The following CCDC6 variants were observed in gnomAD, a reference collection of about 807,000 sequenced individuals.
The protein encoded by CCDC6 is coiled-coil domain containing 6.
A neutral mutation model predicts 56.6 loss-of-function variants in CCDC6; 20 were observed. The observed-to-expected ratio is 0.35, with a 90% confidence interval of 0.25 to 0.51. CCDC6 has a LOEUF of 0.51. Ranked by LOEUF, CCDC6 falls within the 20% of genes least tolerant of loss-of-function variation. The probability of loss-of-function intolerance (pLI) is 0.95; values close to 1 mark genes in which losing one functional copy is unlikely to be tolerated. For missense variants in CCDC6, 367 were observed against 601.1 expected, an observed-to-expected ratio of 0.61 and a Z score of 4.07; for synonymous variants, 241 against 234.4, an observed-to-expected ratio of 1.03 and a Z score of -0.26.
At position 59,862,501 on chromosome 10, in the gene CCDC6, G is replaced by GTATATATATATATATATATATA. The variant is rs146237484; in HGVS notation, c.304-9800_304-9799insTATATATATATATATATATATA. Among the ~76,000 whole-genome samples the GTATATATATATATATATATATA allele has an allele frequency of 1.9e-4, 16 of 85,052 alleles. 1 individual carries two copies. Among genetic ancestry groups the GTATATATATATATATATATATA allele is most frequent in the East Asian group, 7.6e-4 (2 of 2,620 alleles). 55.8% of individuals were successfully genotyped at this position (85,052 alleles called of 152,430 possible). On this transcript the variant is annotated intron_variant, in intron 1 of 8. Transcript: ENST00000263102. ...AGGTTCTGTCTCAAGAAAAAAAAAA[G>GTATATATATATATATATATATA]TATATATATATATATACACACACAC...
rs1172379933 is a variant in CCDC6 at position 59,876,073 on chromosome 10, C to CTTTTTTTTTTTTTTTTTTTTTT, written c.304-23372_304-23371insAAAAAAAAAAAAAAAAAAAAAA. Among the ~76,000 whole-genome samples the CTTTTTTTTTTTTTTTTTTTTTT allele has an allele frequency of 2.0e-5, 2 of 97,586 alleles. 1 individual carries two copies. 64.0% of individuals were successfully genotyped at this position (97,586 alleles called of 152,430 possible). On this transcript the variant is annotated intron_variant, in intron 1 of 8. Coordinates refer to ENST00000263102, the MANE Select transcript of CCDC6 (RefSeq NM_005436.5). ...CATACACGAGTGCATGCACAGATGTCTTTTTTTTTTTTTTTTTTCAGATCG... is the reference window on the plus strand; with the variant it reads ...CATACACGAGTGCATGCACAGATGTCTTTTTTTTTTTTTTTTTTTTTTTTTTTTTTTTTTTTTTTTCAGATCG...
intron 1 of CCDC6, 108 bp downstream of exon 1, chr10:59,906,014 G>C (rs1168504118): frequency 3.1e-6 from 3 of 976,788 alleles, no homozygotes; most frequent in Admixed American, 2.7e-5. Flanking sequence ...TGCTCTCAGA[G>C]GGTCCCCGGG....
chr10:59,800,955 A>T (rs1438817497), intron 7 of CCDC6, among the ~76,000 whole-genome samples: 2 of 152,180 alleles, frequency 1.3e-5, no homozygotes, highest in Non-Finnish European at 2.9e-5. Context: ...AAAATGATTA[A>T]TTAAAAGCGA....
intron 1 of CCDC6, among the ~76,000 whole-genome samples, chr10:59,874,815 G>A (rs936218710): frequency 6.6e-6 from 1 of 152,166 alleles, no homozygotes; most frequent in Non-Finnish European, 1.5e-5. Context: ...ATGAGATGCA[G>A]GTAGCCTCTA....
intron 1 of CCDC6, among the ~76,000 whole-genome samples, chr10:59,876,957 C>T (rs1249248336): frequency 6.6e-6 from 1 of 152,114 alleles, no homozygotes; most frequent in Non-Finnish European, 1.5e-5. Flanking sequence ...CACACCTAGG[C>T]TATGTGGTAT....
At chr10:59,841,787 C>A (rs559554117) in intron 2 of CCDC6, among the ~76,000 whole-genome samples, 2 of 151,750 alleles carry the variant, frequency 1.3e-5, no homozygotes, top group Non-Finnish European at 2.9e-5. Context: ...CCTGCCTCAG[C>A]CTCCCGAGTA....
intron 1 of CCDC6, among the ~76,000 whole-genome samples, chr10:59,885,189 T>C (rs1377593362): frequency 6.6e-6 from 1 of 152,124 alleles, no homozygotes; most frequent in Non-Finnish European, 1.5e-5. Flanking sequence ...CTAGTTTGGA[T>C]ACATTTGTTA....
At chr10:59,879,255 C>T (rs555805106) in intron 1 of CCDC6, among the ~76,000 whole-genome samples, 1 of 152,284 alleles carries the variant, frequency 6.6e-6, no homozygotes, top group East Asian at 1.9e-4. Context: ...AATATACTTC[C>T]TGTTCAGAAC....
At chr10:59,830,175 CA>C (rs1390325102) in intron 3 of CCDC6, among the ~76,000 whole-genome samples, 2 of 152,158 alleles carry the variant, frequency 1.3e-5, no homozygotes, top group African/African-American at 2.4e-5. Flanking sequence ...GTCAGTAAAG[CA>C]AAGACAAAAA....
intron 3 of CCDC6, among the ~76,000 whole-genome samples, chr10:59,824,715 A>G (rs1282807614): frequency 6.6e-6 from 1 of 152,204 alleles, no homozygotes; most frequent in Non-Finnish European, 1.5e-5. Flanking sequence ...GAAAAACATC[A>G]ATAGCTGTTT....
At chr10:59,873,385 G>A (rs919030269) in intron 1 of CCDC6, among the ~76,000 whole-genome samples, 2 of 152,042 alleles carry the variant, frequency 1.3e-5, no homozygotes, top group African/African-American at 2.4e-5. Context: ...TCAGAGGCAG[G>A]AACTGAAGTG....
chr10:59,820,391 A>G (rs2070740576), intron 3 of CCDC6, among the ~76,000 whole-genome samples: 1 of 152,214 alleles, frequency 6.6e-6, no homozygotes, highest in Non-Finnish European at 1.5e-5. Flanking sequence ...TTACTATGGG[A>G]AAATCTGTTT....
chr10:59,881,088 G>A (rs2071331461), intron 1 of CCDC6, among the ~76,000 whole-genome samples: 1 of 152,040 alleles, frequency 6.6e-6, no homozygotes. Context: ...GGTCCCAACA[G>A]TCTCCTCAGC....
chr10:59,837,202 ATTCT>A (rs562291201), intron 2 of CCDC6, among the ~76,000 whole-genome samples: 107 of 152,338 alleles, frequency 7.0e-4, no homozygotes, highest in Non-Finnish European at 1.3e-3. Context: ...TTCTCAATAA[ATTCT>A]TTCTAGCAGG....
At chr10:59,843,706 T>G (rs2070962880) in intron 2 of CCDC6, among the ~76,000 whole-genome samples, 1 of 152,214 alleles carries the variant, frequency 6.6e-6, no homozygotes, top group Non-Finnish European at 1.5e-5. Flanking sequence ...GATAGTAACT[T>G]GCTCCAGAAA....
chr10:59,866,493 G>A (rs529593517), intron 1 of CCDC6, among the ~76,000 whole-genome samples: 5 of 152,132 alleles, frequency 3.3e-5, no homozygotes, highest in Admixed American at 6.5e-5. Context: ...GCATATACTC[G>A]TATAACACTG....
chr10:59,826,697 TAA>T (rs776975917), intron 3 of CCDC6, among the ~76,000 whole-genome samples: 2 of 152,182 alleles, frequency 1.3e-5, no homozygotes, highest in African/African-American at 2.4e-5. Context: ...AGAAGAAAGT[TAA>T]AGAGGCCAGA....
At chr10:59,837,683 T>G (rs1463284394) in intron 2 of CCDC6, among the ~76,000 whole-genome samples, 2 of 139,534 alleles carry the variant, frequency 1.4e-5, no homozygotes, top group African/African-American at 5.5e-5. Context: ...GAAGTGGAGG[T>G]TGCAGTTAGC....
At chr10:59,862,562 T>TACACATAC (rs1360725553) in intron 1 of CCDC6, among the ~76,000 whole-genome samples, 4,759 of 101,464 alleles carry the variant, frequency 0.047, 743 homozygotes, top group African/African-American at 0.17. Flanking sequence ...CACACATATA[T>TACACATAC]ATACACATAC....
Sources: allele counts gnomAD v4.1 joint callset (sites outside exome capture counted in the v4.1 genomes callset), GRCh38; gene constraint gnomAD v4.1.1; transcripts MANE v1.5; gene names NCBI Gene and HGNC (gene_info 2026-07-23, HGNC 2026-07-21).